The following FGR variants were observed in gnomAD, a reference collection of about 807,000 sequenced individuals.
The protein encoded by FGR is tyrosine-protein kinase Fgr.
FGR carries 26 observed loss-of-function variants against 63.2 expected under a neutral mutation model. That is an observed-to-expected ratio of 0.41 (90% CI 0.30 to 0.57). FGR has a LOEUF of 0.57. Among genes scored for constraint, FGR ranks in the 20% least tolerant of loss-of-function variants. FGR has a pLI of 0.27. For synonymous variants in FGR, 286 were observed against 277.7 expected (o/e 1.03, Z -0.30); for missense variants, 511 against 690.8 (o/e 0.74, Z 2.92).
At chr1:27,632,026 C>T (rs778585419) in intron 1 of FGR, among the ~76,000 whole-genome samples, 14 of 151,570 alleles carry the variant, frequency 9.2e-5, no homozygotes, top group Non-Finnish European at 1.3e-4. Flanking sequence ...ATCCCTCACC[C>T]TCAGTCCTCT....
In FGR at chr1:27,614,555, C is replaced by T. The variant is rs879373811; in HGVS notation, c.1124G>A (p.Arg375His). 1 of 1,614,042 alleles carries T rather than the reference C, an allele frequency of 6.2e-7. No individual in the cohort carries two copies. Among genetic ancestry groups the T allele is most frequent in the Admixed American group, 1.7e-5 (1 of 60,012 alleles). The change falls in exon 11 of 13, where the codon CGC (arginine) becomes CAC (histidine). Residue 375 changes from arginine to histidine, a missense_variant. By Grantham distance (29) the Arg-to-His change is conservative. Transcript: ENST00000374005. Reference sequence around the variant, plus strand: ...CAGGTCGCGGTGAATGTAGTTCATGCGTTCCATGTAGGCCATGCCCTCAGC... The same window carrying T: ...CAGGTCGCGGTGAATGTAGTTCATGTGTTCCATGTAGGCCATGCCCTCAGC... ...QVAEGMAYME[R>H]MNYIHRDLRA...
Position 27,632,794 on chromosome 1 carries a change from C to T in FGR, c.-77+2271G>A, listed in dbSNP as rs2090124906. On this transcript the variant is annotated intron_variant, in intron 1 of 12. Coordinates refer to ENST00000374005, the MANE Select transcript of FGR (RefSeq NM_005248.3). Reference sequence around the variant, plus strand: ...CCAAGGGATGGGAGTCTAGATTTCACAGTGTGGCCAGACAGGAAGCCCCCT... The same window carrying T: ...CCAAGGGATGGGAGTCTAGATTTCATAGTGTGGCCAGACAGGAAGCCCCCT... Among the ~76,000 whole-genome samples, 5 of 152,264 alleles carry T rather than the reference C, an allele frequency of 3.3e-5. No individual in the cohort carries two copies. In the South Asian group the frequency reaches 8.3e-4, roughly 25 times the overall value.
At chr1:27,622,242 T>C (rs1391808703) in intron 4 of FGR, among the ~76,000 whole-genome samples, 2 of 148,416 alleles carry the variant, frequency 1.3e-5, no homozygotes, top group Admixed American at 6.8e-5. Context: ...TGAGCCAAGA[T>C]TGCACCACTG....
chr1:27,629,240 TG>T (rs1428370404), intron 1 of FGR, among the ~76,000 whole-genome samples: 2 of 151,746 alleles, frequency 1.3e-5, no homozygotes, highest in Non-Finnish European at 3.0e-5. Flanking sequence ...GAAAAAGCCC[TG>T]ATTTGTCACA....
chr1:27,634,024 G>A (rs2090142130), intron 1 of FGR, among the ~76,000 whole-genome samples: 1 of 152,236 alleles, frequency 6.6e-6, no homozygotes, highest in South Asian at 2.1e-4. Flanking sequence ...CTCTCAAACA[G>A]CAGATCCTCC....
intron 1 of FGR, among the ~76,000 whole-genome samples, chr1:27,628,636 T>G (rs1480076361): frequency 6.6e-6 from 1 of 151,912 alleles, no homozygotes; most frequent in Non-Finnish European, 1.5e-5. Flanking sequence ...ATACAATCTC[T>G]CATGTTCACA....
chr1:27,619,082 G>T (rs1464513682), intron 5 of FGR, among the ~76,000 whole-genome samples: 2 of 152,156 alleles, frequency 1.3e-5, no homozygotes, highest in Non-Finnish European at 2.9e-5. Context: ...TTCTCCAATG[G>T]CTCCTTCTCC....
intron 1 of FGR, among the ~76,000 whole-genome samples, chr1:27,633,993 A>C (rs1023336636): frequency 2.0e-5 from 3 of 152,242 alleles, no homozygotes; most frequent in African/African-American, 7.2e-5. Flanking sequence ...TTAAGGGCCC[A>C]GTCTTGCTAA....
chr1:27,622,283 C>T (rs1366415732), intron 4 of FGR, among the ~76,000 whole-genome samples: 3 of 118,810 alleles, frequency 2.5e-5, no homozygotes, highest in Non-Finnish European at 5.1e-5. Flanking sequence ...AGCGAGACTC[C>T]AACTCAAAAA....
chr1:27,632,103 C>T (rs1028062981), intron 1 of FGR, among the ~76,000 whole-genome samples: 2 of 151,116 alleles, frequency 1.3e-5, no homozygotes, highest in Admixed American at 6.6e-5. Flanking sequence ...CATTAACTCC[C>T]TTTCTTTCTT....
chr1:27,617,205 C>T lies in FGR; in HGVS notation c.520G>A (p.Glu174Lys), dbSNP rs769464544. Reference sequence around the variant, plus strand: ...GCACCACCCCTACCTTTGGTGGTCTCGCTTTCCCGAATGAGAAAGGCCCCC... The same window carrying T: ...GCACCACCCCTACCTTTGGTGGTCTTGCTTTCCCGAATGAGAAAGGCCCCC... ...PQGAFLIRES[E>K]TTKGAYSLSI... The change falls in exon 6 of 13, where the codon GAG becomes AAG. Residue 174 changes from glutamate to lysine, a missense_variant. Physicochemically the swap from Glu to Lys is moderately conservative, Grantham distance 56 (BLOSUM62 1). Coordinates refer to ENST00000374005, the MANE Select transcript of FGR (RefSeq NM_005248.3). The surrounding 1 kb of genome is among the most constrained non-coding windows in gnomAD (Gnocchi z 4.5). The T allele has an allele frequency of 2.5e-5, 40 of 1,613,866 alleles. No homozygotes were observed. Among genetic ancestry groups the T allele is most frequent in the Non-Finnish European group, 3.2e-5 (38 of 1,179,872 alleles).
chr1:27,618,331 G>T (rs1337550655), intron 5 of FGR, among the ~76,000 whole-genome samples: 1 of 152,054 alleles, frequency 6.6e-6, no homozygotes, highest in Non-Finnish European at 1.5e-5. Flanking sequence ...CACATATTTC[G>T]TGTTAGGGTC....
In FGR at chr1:27,615,003, C is replaced by T; in HGVS notation, c.1019-77G>A. On this transcript the variant is annotated intron_variant, in intron 9 of 12. Coordinates refer to ENST00000374005, the MANE Select transcript of FGR (RefSeq NM_005248.3). This position sits in a 1 kb window ranked among gnomAD's most constrained non-coding sequence, Gnocchi z 7.6. ...CCTCCTCCTCTCGCTTGACCCCGCC[C>T]CTCAGCCCCTCCCACCTGGACCCGC... 1 of 1,190,170 alleles carries T rather than the reference C, an allele frequency of 8.4e-7. No individual in the cohort carries two copies. The highest frequency in any genetic ancestry group is 1.3e-5 in the South Asian group (1 of 76,156). 73.7% of individuals were successfully genotyped at this position (1,190,170 alleles called of 1,614,324 possible). A position where few individuals can be genotyped will look rare whatever the true frequency, so the allele number is the denominator to read the frequency against.
Position 27,614,915 on chromosome 1 carries a change from C to A in FGR, c.1030G>T (p.Asp344Tyr). The change falls in exon 10 of 13, where the codon GAT becomes TAT. Residue 344 changes from aspartate to tyrosine, a missense_variant. By Grantham distance (160) the Asp-to-Tyr change is radical. Coordinates refer to ENST00000374005, the MANE Select transcript of FGR (RefSeq NM_005248.3). ...TEFMCHGSLL[D>Y]FLKNPEGQDL... ...TGGCCCTCTGGGTTCTTGAGAAAAT[C>A]CAGCAAGCTGCCTGGGAAGAAGCCA... The A allele has an allele frequency of 6.3e-7, 1 of 1,598,126 alleles. No homozygotes were observed. Among genetic ancestry groups the A allele is most frequent in the African/African-American group, 1.3e-5 (1 of 74,692 alleles).
In FGR at chr1:27,612,558, G is replaced by T; in HGVS notation, c.*356C>A. On this transcript the variant is annotated 3_prime_UTR_variant, in exon 13 of 13. Coordinates refer to ENST00000374005, the MANE Select transcript of FGR (RefSeq NM_005248.3). ...ACTAGAGTGAGATAAAAGGAGAGTA[G>T]GAAAGCAGTGATAGGAGAGAAGTGA... is the stretch of plus-strand genomic sequence containing the variant. 1 of 214,522 alleles carries T rather than the reference G, an allele frequency of 4.7e-6. No homozygotes were observed. The highest frequency in any genetic ancestry group is 9.5e-6 in the Non-Finnish European group (1 of 105,562). The allele number at this position is 214,522 out of a possible 1,614,324, so 13.3% of individuals were successfully genotyped here.
chr1:27,615,901 C>G lies in FGR; in HGVS notation c.683-57G>C. On this transcript the variant is annotated intron_variant, in intron 7 of 12. Transcript: ENST00000374005. This position sits in a 1 kb window ranked among gnomAD's most constrained non-coding sequence, Gnocchi z 7.6. ...GTGGGCCAGGACACCCCCCTCCACT[C>G]CTTATCCTATCCCAGCCTGGTGCCA... 1 of 1,485,910 alleles carries G rather than the reference C, an allele frequency of 6.7e-7. No individual in the cohort carries two copies. The highest frequency in any genetic ancestry group is 9.0e-7 in the Non-Finnish European group (1 of 1,105,604). The allele number at this position is 1,485,910 out of a possible 1,614,324, so 92.0% of individuals were successfully genotyped here.
chr1:27,625,763 A>AC (rs2090011750), intron 1 of FGR, among the ~76,000 whole-genome samples: 1 of 152,080 alleles, frequency 6.6e-6, no homozygotes, highest in South Asian at 2.1e-4. Context: ...ATATGGTGAA[A>AC]CCCCGTCTCT....
intron 5 of FGR, among the ~76,000 whole-genome samples, chr1:27,620,991 CAAAAAAAAAAAAAAAA>C (rs59265327): frequency 1.4e-4 from 3 of 22,020 alleles, no homozygotes; most frequent in Non-Finnish European, 3.4e-4. Context: ...GACCCTGTCT[CAAAAAAAAAAAAAAAA>C]AAAAAAAAAA....
rs138376523 is a variant in FGR at position 27,613,885 on chromosome 1, G to A, written c.1250-535C>T. Among the ~76,000 whole-genome samples, 898 of 152,000 alleles carry A rather than the reference G, an allele frequency of 5.9e-3. 10 individuals carry two copies. Among genetic ancestry groups the A allele is most frequent in the African/African-American group, 0.021 (860 of 41,408 alleles). ...TCGCAATAATTCTTATCCTAATAAC[G>A]GCCAATACTTGGCTAGCCTTTCCTG... On this transcript the variant is annotated intron_variant, in intron 11 of 12. Transcript: ENST00000374005.
Sources: allele counts gnomAD v4.1 joint callset (sites outside exome capture counted in the v4.1 genomes callset), GRCh38; gene constraint gnomAD v4.1.1; non-coding constraint Gnocchi (gnomAD v3.1); transcripts MANE v1.5; gene names NCBI Gene and HGNC (gene_info 2026-07-23, HGNC 2026-07-21).